CCPG1: variants seen among roughly 807,000 people sequenced by gnomAD.
CCPG1 encodes cell cycle progression 1.
In CCPG1, 46 loss-of-function variants were observed where a neutral mutation model predicts 81.3. The observed-to-expected ratio is 0.57, with a 90% CI of 0.45 to 0.72. The LOEUF (loss-of-function observed/expected upper bound fraction) is 0.72, where lower values mean the gene tolerates loss of function less well. CCPG1 is among the 30% of genes least tolerant of loss of function. The pLI is 0.00. For missense variants in CCPG1, 902 were observed against 937.6 expected, an observed-to-expected ratio of 0.96 and a Z score of 0.50; for synonymous variants, 330 against 305.2, an observed-to-expected ratio of 1.08 and a Z score of -0.85.
chr15:55,398,344 C>G (rs575299794), intron 1 of CCPG1: 2 of 152,210 alleles, frequency 1.3e-5, no homozygotes, highest in South Asian at 4.1e-4. Flanking sequence ...GCATTATTCT[C>G]CCACACGTCT....
Position 55,355,240 on chromosome 15 carries a change from C to G in CCPG1, c.*980G>C. 6.7e-7 allele frequency: 1 copy of G among 1,487,356 alleles called. No individual in the cohort carries two copies. Among genetic ancestry groups the G allele is most frequent in the Non-Finnish European group, 9.3e-7 (1 of 1,081,054 alleles). The allele number at this position is 1,487,356 out of a possible 1,614,324, so 92.1% of individuals were successfully genotyped here. On this transcript the variant is annotated 3_prime_UTR_variant, in exon 9 of 9. Transcript: ENST00000442196. ...TTCTAAAATTGACTGAAACAGTACT[C>G]AGCAAAATGTAGCCTTTATTTACTT...
Position 55,389,353 on chromosome 15 carries a change from T to C in CCPG1, c.60+12A>G. ...TTACAAATTACCTTATAAAAAGTAT[T>C]AAATATCATACCTCATGACTGATGA... On this transcript the variant is annotated intron_variant, in intron 2 of 8. Transcript: ENST00000442196. The C allele has an allele frequency of 6.4e-7, 1 of 1,553,666 alleles. No individual in the cohort carries two copies. The highest frequency in any genetic ancestry group is 8.9e-7 in the Non-Finnish European group (1 of 1,125,870).
chr15:55,372,320 C>G (rs2056467023), intron 5 of CCPG1: 3 of 451,672 alleles, frequency 6.6e-6, no homozygotes, highest in African/African-American at 6.0e-5. Context: ...ATCCTCCTCG[C>G]CTTATAGTTT....
At chr15:55,380,089 A>G (rs1358215634) in intron 3 of CCPG1, among the ~76,000 whole-genome samples, 1 of 147,632 alleles carries the variant, frequency 6.8e-6, no homozygotes, top group Non-Finnish European at 1.5e-5. Context: ...AACAAGAGTG[A>G]AACTCTGTCT....
intron 8 of CCPG1, chr15:55,356,706 C>A (rs955346128): frequency 9.2e-7 from 1 of 1,084,742 alleles, no homozygotes; most frequent in Non-Finnish European, 1.1e-6. Context: ...ATTATTTTTC[C>A]TCCTTTCCTA....
At chr15:55,378,435 T>C (rs2056610547) in intron 3 of CCPG1, 59 bp from the exon 4 acceptor site, 1 of 1,036,936 alleles carries the variant, frequency 9.6e-7, no homozygotes, top group Non-Finnish European at 1.5e-6. Flanking sequence ...CTGTTGACTT[T>C]CTGCAGCCAA....
chr15:55,383,336 C>T (rs1179913154), intron 3 of CCPG1, among the ~76,000 whole-genome samples: 1 of 152,192 alleles, frequency 6.6e-6, no homozygotes, highest in African/African-American at 2.4e-5. Context: ...ATGGCTGTCA[C>T]CTAGGCTTTG....
intron 6 of CCPG1, among the ~76,000 whole-genome samples, chr15:55,368,349 T>C (rs1181807373): frequency 6.6e-6 from 1 of 152,190 alleles, no homozygotes; most frequent in Non-Finnish European, 1.5e-5. Flanking sequence ...GCTGGAATGT[T>C]CCACCTTCCC....
chr15:55,406,830 A>C (rs556465482), intron 1 of CCPG1, among the ~76,000 whole-genome samples: 2 of 152,344 alleles, frequency 1.3e-5, no homozygotes, highest in Non-Finnish European at 2.9e-5. Flanking sequence ...TCATCTAAGA[A>C]GGAGTATTTC....
At chr15:55,370,615 G>A (rs1180441053) in intron 6 of CCPG1, among the ~76,000 whole-genome samples, 1 of 152,138 alleles carries the variant, frequency 6.6e-6, no homozygotes, top group Non-Finnish European at 1.5e-5. Flanking sequence ...GGTGGCTCAC[G>A]CCTGTAATCC....
chr15:55,393,593 T>C (rs1388375680), intron 1 of CCPG1, among the ~76,000 whole-genome samples: 2 of 152,110 alleles, frequency 1.3e-5, no homozygotes, highest in Non-Finnish European at 2.9e-5. Context: ...GGGAAGGGTT[T>C]TGAAGAGATC....
intron 8 of CCPG1, chr15:55,358,171 AG>A (rs2056120889): frequency 5.5e-6 from 1 of 181,096 alleles, no homozygotes; most frequent in Non-Finnish European, 1.1e-5. Context: ...TTTAAGTGAA[AG>A]GGTGAAGGTT....
chr15:55,403,510 AGAGGT>A (rs1265858684), intron 1 of CCPG1, among the ~76,000 whole-genome samples: 1 of 152,204 alleles, frequency 6.6e-6, no homozygotes, highest in Non-Finnish European at 1.5e-5. Flanking sequence ...AGACCCTTAA[AGAGGT>A]TTCCACACAT....
chr15:55,398,940 C>G (rs2057074506), intron 1 of CCPG1, among the ~76,000 whole-genome samples: 2 of 152,088 alleles, frequency 1.3e-5, no homozygotes, highest in Non-Finnish European at 2.9e-5. Flanking sequence ...TTTAAATGAG[C>G]CTATCCTCAT....
At chr15:55,401,431 C>T (rs1462859637) in intron 1 of CCPG1, among the ~76,000 whole-genome samples, 14 of 152,282 alleles carry the variant, frequency 9.2e-5, no homozygotes, top group African/African-American at 3.4e-4. Flanking sequence ...TTTTGGGAGG[C>T]CGAGGCGGGT....
Position 55,360,795 on chromosome 15 carries a change from T to C in CCPG1, c.978A>G (p.Glu326=), listed in dbSNP as rs780705223. The change falls in exon 8 of 9, where the codon GAA becomes GAG. Residue 326 remains glutamate (E), a synonymous_variant. Coordinates refer to ENST00000442196, the MANE Select transcript of CCPG1 (RefSeq NM_001204450.2). ...TCTGTTCTCTTAGTTTGTTTAACTC[T>C]TCCTGTAATGAGGATAAGGCTTTTT... ...KEEKALSSLQ[E]ELNKLREQIR... is the part of the protein sequence containing the mutation. 3 of 1,613,042 alleles carry C rather than the reference T, an allele frequency of 1.9e-6. No homozygotes were observed. Among genetic ancestry groups the C allele is most frequent in the Non-Finnish European group, 2.5e-6 (3 of 1,179,584 alleles).
chr15:55,386,889 T>G (rs1177695307), intron 2 of CCPG1, among the ~76,000 whole-genome samples: 2 of 136,580 alleles, frequency 1.5e-5, no homozygotes, highest in East Asian at 4.9e-4. Context: ...AGAGCAAGAC[T>G]CCATCTCAAA....
chr15:55,379,873 T>C (rs2141288008), intron 3 of CCPG1, among the ~76,000 whole-genome samples: 1 of 152,034 alleles, frequency 6.6e-6, no homozygotes, highest in South Asian at 2.1e-4. Flanking sequence ...CCAATGCAGG[T>C]GAATCACCTG....
chr15:55,370,737 C>T (rs189467682), intron 6 of CCPG1, among the ~76,000 whole-genome samples: 3 of 151,952 alleles, frequency 2.0e-5, no homozygotes, highest in East Asian at 1.9e-4. Context: ...ATTAGCTGGG[C>T]GTGGTGGCAG....
Sources: gnomAD v4.1 joint callset for allele counts (sites outside exome capture counted in the v4.1 genomes callset) on GRCh38, gnomAD v4.1.1 for gene constraint, MANE v1.5 for transcripts, NCBI Gene and HGNC (gene_info 2026-07-23, HGNC 2026-07-21) for gene names.